IRAG2: variants seen among roughly 807,000 people sequenced by gnomAD.
The protein encoded by IRAG2 is lymphoid restricted membrane protein.
A neutral mutation model predicts 69.9 loss-of-function variants in IRAG2; 45 were observed. The observed-to-expected ratio is 0.64, with a 90% CI of 0.51 to 0.83. The LOEUF is 0.83. Among genes scored for constraint, IRAG2 ranks in the 40% least tolerant of loss-of-function variants. The probability of loss-of-function intolerance (pLI) is 0.00; values close to 1 mark genes in which losing one functional copy is unlikely to be tolerated. For missense variants in IRAG2, 520 were observed against 587.0 expected, an observed-to-expected ratio of 0.89 and a Z score of 1.18; for synonymous variants, 193 against 202.4, an observed-to-expected ratio of 0.95 and a Z score of 0.40.
At chr12:25,081,020 C>G (rs796842091) in intron 9 of IRAG2, among the ~76,000 whole-genome samples, 4 of 152,164 alleles carry the variant, frequency 2.6e-5, no homozygotes, top group Non-Finnish European at 5.9e-5. Flanking sequence ...AAATCCTATA[C>G]ACACTATGTT....
intron 5 of IRAG2, 141 bp downstream of exon 5, chr12:25,066,653 A>C: frequency 2.6e-6 from 1 of 387,034 alleles, no homozygotes. Context: ...AAAATTTACA[A>C]TTTCTTTCTT....
intron 9 of IRAG2, among the ~76,000 whole-genome samples, chr12:25,079,982 C>T (rs1456720930): frequency 6.6e-6 from 1 of 152,018 alleles, no homozygotes; most frequent in Non-Finnish European, 1.5e-5. Flanking sequence ...CAATTTTTTT[C>T]GATTTTGTAG....
At position 25,054,646 on chromosome 12, in the gene IRAG2, C is replaced by T. The variant is rs373456571; in HGVS notation, c.-447+1690C>T. On this transcript the variant is annotated intron_variant, in intron 1 of 21. Transcript: ENST00000556887. ...CGTGTATTTTTTTCTGCCTGGATAACGTAGAGTGGACACTTCCTTTCTGTC... is the reference window on the plus strand; with the variant it reads ...CGTGTATTTTTTTCTGCCTGGATAATGTAGAGTGGACACTTCCTTTCTGTC... Among the ~76,000 whole-genome samples the T allele has an allele frequency of 5.9e-5, 9 of 152,224 alleles. No homozygotes were observed. In the East Asian group the frequency reaches 7.7e-4, roughly 13 times the overall value.
chr12:25,010,708 C>T (rs1330759482), intron 2 of IRAG2, among the ~76,000 whole-genome samples: 2 of 152,036 alleles, frequency 1.3e-5, no homozygotes, highest in South Asian at 4.1e-4. Context: ...TTCTCTGTGG[C>T]ATCTGCCCTC....
At chr12:25,050,008 A>AAAAAAAG, upstream of IRAG2, among the ~76,000 whole-genome samples, 1 of 141,554 alleles carries the variant, frequency 7.1e-6, no homozygotes, top group Non-Finnish European at 1.5e-5. Flanking sequence ...AAAAAAAAAA[A>AAAAAAAG]GCTACTCGGG....
chr12:25,002,593 A>T (rs1374655787), upstream of IRAG2, among the ~76,000 whole-genome samples: 1 of 151,904 alleles, frequency 6.6e-6, no homozygotes, highest in African/African-American at 2.4e-5. Context: ...ATTTCAAGAG[A>T]GGAGTGTATT....
rs189550004 is a variant in IRAG2, at chr12:25,021,622, G to A, written c.1332+715G>A. On this transcript the variant is annotated intron_variant, in intron 7 of 38. Transcript: ENST00000636465. ...TTTTTATTGAGAAGGTTCAACTGTT[G>A]TATAAAGAATTAGTAATAGTCTTCA... Among the ~76,000 whole-genome samples the A allele has an allele frequency of 4.7e-3, 711 of 152,312 alleles. 7 individuals are homozygous for A. In the Middle Eastern group the frequency reaches 0.051, roughly 11 times the overall value.
chr12:25,068,177 C>T (rs1249256125), intron 5 of IRAG2, among the ~76,000 whole-genome samples: 1 of 151,990 alleles, frequency 6.6e-6, no homozygotes, highest in African/African-American at 2.4e-5. Context: ...CTCCATGTTG[C>T]CCAGGCTGGT....
intron 8 of IRAG2, among the ~76,000 whole-genome samples, chr12:25,025,165 T>C (rs1407989392): frequency 1.3e-5 from 2 of 152,168 alleles, no homozygotes; most frequent in Admixed American, 6.5e-5. Flanking sequence ...GTGGAACTAG[T>C]ATGTTAGACG....
At chr12:25,101,984 C>T (rs1051536398) in intron 16 of IRAG2, 10 of 679,904 alleles carry the variant, frequency 1.5e-5, no homozygotes, top group East Asian at 2.8e-5. Flanking sequence ...GCATTATGGA[C>T]ATCACAGTGA....
chr12:25,073,776 T>C (rs1301278883), intron 6 of IRAG2, among the ~76,000 whole-genome samples: 1 of 152,238 alleles, frequency 6.6e-6, no homozygotes, highest in Non-Finnish European at 1.5e-5. Flanking sequence ...TTATTTCCAG[T>C]CCTTATCTTT....
intron 6 of IRAG2, among the ~76,000 whole-genome samples, chr12:25,077,200 T>TATATGAA (rs1565562183): frequency 2.7e-4 from 18 of 67,188 alleles, no homozygotes; most frequent in South Asian, 1.0e-3. Context: ...ATATATGAAA[T>TATATGAA]ATATATATGA....
At chr12:25,009,031 G>A (rs1944454559) in intron 2 of IRAG2, among the ~76,000 whole-genome samples, 1 of 152,052 alleles carries the variant, frequency 6.6e-6, no homozygotes, top group Non-Finnish European at 1.5e-5. Flanking sequence ...TGCCAGACAT[G>A]GTAGCTCATG....
chr12:25,078,650 T>C lies in IRAG2; in HGVS notation c.25-594T>C, dbSNP rs138205712. On this transcript the variant is annotated intron_variant, in intron 6 of 21. Coordinates refer to ENST00000556887, the MANE Select transcript of IRAG2 (RefSeq NM_001366544.2). ...AAGTTACCCCCAAAATAGGAATTCC[T>C]TGTAGAAATTAAGAGGTTCATAGAA... is the stretch of plus-strand genomic sequence containing the variant. Among the ~76,000 whole-genome samples the C allele has an allele frequency of 5.9e-4, 90 of 152,324 alleles. No individual in the cohort carries two copies. In the East Asian group the frequency reaches 0.014, roughly 24 times the overall value.
At chr12:25,030,835 T>TA (rs1245709451) in intron 10 of IRAG2, among the ~76,000 whole-genome samples, 1 of 152,262 alleles carries the variant, frequency 6.6e-6, no homozygotes, top group Non-Finnish European at 1.5e-5. Flanking sequence ...ACTGGCTAGA[T>TA]ACTGGTGATG....
upstream of IRAG2, among the ~76,000 whole-genome samples, chr12:25,000,104 A>T (rs1458200854): frequency 1.3e-5 from 2 of 152,240 alleles, no homozygotes; most frequent in Admixed American, 6.5e-5. Context: ...AGCACTTAGC[A>T]GAAATTCAAT....
rs76679464 is a variant in IRAG2, at chr12:25,032,549, C to T, written c.1643+180C>T. ...TTCTATGACCCCTGATTGTCTTAGACAGCTCAGGATGCTATGACAAAATAC... is the reference window on the plus strand; with the variant it reads ...TTCTATGACCCCTGATTGTCTTAGATAGCTCAGGATGCTATGACAAAATAC... On this transcript the variant is annotated intron_variant, in intron 12 of 38. Transcript: ENST00000636465. Among the ~76,000 whole-genome samples, 1,182 of 152,318 alleles carry T rather than the reference C, an allele frequency of 7.8e-3. 20 individuals carry two copies. Among genetic ancestry groups the T allele is most frequent in the African/African-American group, 0.027 (1,124 of 41,570 alleles).
At chr12:25,087,207 G>A (rs1947684798) in intron 10 of IRAG2, among the ~76,000 whole-genome samples, 1 of 117,234 alleles carries the variant, frequency 8.5e-6, no homozygotes, top group South Asian at 2.8e-4. Flanking sequence ...TTGCACTGCT[G>A]CCTAGCTTGG....
intron 10 of IRAG2, among the ~76,000 whole-genome samples, chr12:25,085,102 C>T (rs749964628): frequency 1.3e-5 from 2 of 152,244 alleles, no homozygotes; most frequent in Non-Finnish European, 2.9e-5. Context: ...TGTTACAAAG[C>T]TCTTTCAGAT....
Sources: gnomAD v4.1 joint callset for allele counts (sites outside exome capture counted in the v4.1 genomes callset) on GRCh38, gnomAD v4.1.1 for gene constraint, MANE v1.5 for transcripts, NCBI Gene and HGNC (gene_info 2026-07-23, HGNC 2026-07-21) for gene names.